MACROD2: variants seen among roughly 807,000 people sequenced by gnomAD.
MACROD2 encodes the protein mono-ADP ribosylhydrolase 2.
A neutral mutation model predicts 70.4 loss-of-function variants in MACROD2; 36 were observed. That is an observed-to-expected ratio of 0.51 (90% CI 0.39 to 0.68). MACROD2 has a LOEUF of 0.68. Among genes scored for constraint, MACROD2 ranks in the 30% least tolerant of loss-of-function variants. The probability of loss-of-function intolerance (pLI) is 0.00; values close to 1 mark genes in which losing one functional copy is unlikely to be tolerated. For synonymous variants in MACROD2, 172 were observed against 178.8 expected (o/e 0.96, Z 0.30); for missense variants, 496 against 538.4 (o/e 0.92, Z 0.78).
intron 5 of MACROD2, among the ~76,000 whole-genome samples, chr20:14,912,315 T>G (rs577362809): frequency 6.6e-6 from 1 of 151,070 alleles, no homozygotes; most frequent in East Asian, 1.9e-4. Flanking sequence ...GATTATTATA[T>G]CATATAACAA....
chr20:16,042,416 TAA>T (rs1162203274), intron 16 of MACROD2, among the ~76,000 whole-genome samples: 3 of 152,034 alleles, frequency 2.0e-5, no homozygotes, highest in Admixed American at 6.6e-5. Flanking sequence ...GGCCCATGAA[TAA>T]AAGAGAAGTA....
intron 6 of MACROD2, among the ~76,000 whole-genome samples, chr20:15,230,679 A>G (rs1188925630): frequency 6.6e-6 from 1 of 152,118 alleles, no homozygotes; most frequent in Non-Finnish European, 1.5e-5. Flanking sequence ...GGGAGTTCAG[A>G]AAATGTGGAT....
chr20:14,617,061 A>C (rs73899216), intron 4 of MACROD2, among the ~76,000 whole-genome samples: 5 of 152,048 alleles, frequency 3.3e-5, no homozygotes, highest in African/African-American at 9.7e-5. Context: ...GGATAAATCA[A>C]ATTTGTTGGA....
chr20:15,642,637 C>G (rs2049479075), intron 8 of MACROD2, among the ~76,000 whole-genome samples: 1 of 124,958 alleles, frequency 8.0e-6, no homozygotes, highest in Non-Finnish European at 1.7e-5. Flanking sequence ...CACACACACA[C>G]ACACGTGTGC....
At chr20:15,974,270 A>G (rs1218713134) in intron 13 of MACROD2, among the ~76,000 whole-genome samples, 1 of 152,136 alleles carries the variant, frequency 6.6e-6, no homozygotes, top group Non-Finnish European at 1.5e-5. Context: ...CAGAAGGAGC[A>G]GAGATGAAAC....
chr20:15,121,188 AG>A (rs1265528874), intron 5 of MACROD2, among the ~76,000 whole-genome samples: 3 of 152,190 alleles, frequency 2.0e-5, no homozygotes, highest in Non-Finnish European at 4.4e-5. Flanking sequence ...AGTACAGGAT[AG>A]GTAGTGCTTA....
chr20:14,299,075 G>T (rs1473528149), intron 3 of MACROD2, among the ~76,000 whole-genome samples: 1 of 152,016 alleles, frequency 6.6e-6, no homozygotes, highest in East Asian at 1.9e-4. Context: ...CTCTAGTTTT[G>T]AAAGAAGTTT....
At chr20:15,455,367 G>A (rs2046711291) in intron 7 of MACROD2, among the ~76,000 whole-genome samples, 1 of 152,146 alleles carries the variant, frequency 6.6e-6, no homozygotes. Context: ...GGTTACTTTA[G>A]AGACTGATTA....
intron 6 of MACROD2, among the ~76,000 whole-genome samples, chr20:15,319,697 A>G (rs565971660): frequency 6.6e-6 from 1 of 152,334 alleles, no homozygotes; most frequent in Middle Eastern, 3.4e-3. Context: ...GCATTGAAGC[A>G]CTACGCACAA....
chr20:15,573,207 T>C (rs180721010), intron 8 of MACROD2, among the ~76,000 whole-genome samples: 94 of 152,268 alleles, frequency 6.2e-4, no homozygotes, highest in Non-Finnish European at 1.6e-4. Context: ...CATGTCGTTT[T>C]AAACCAAGTG....
At chr20:15,360,130 T>TCTCCA (rs1342593362) in intron 6 of MACROD2, among the ~76,000 whole-genome samples, 1 of 152,214 alleles carries the variant, frequency 6.6e-6, no homozygotes, top group African/African-American at 2.4e-5. Context: ...TTTTGGCTTT[T>TCTCCA]CTCCACTCGG....
chr20:15,734,821 A>G (rs1386785775), intron 8 of MACROD2, among the ~76,000 whole-genome samples: 1 of 152,242 alleles, frequency 6.6e-6, no homozygotes, highest in African/African-American at 2.4e-5. Flanking sequence ...AATACATTCA[A>G]TTCTGCTAAT....
intron 3 of MACROD2, among the ~76,000 whole-genome samples, chr20:14,271,369 T>C (rs1055910469): frequency 7.2e-5 from 11 of 152,328 alleles, no homozygotes; most frequent in South Asian, 6.2e-4. Context: ...CCGCTGCTGA[T>C]ACCCAGACAA....
intron 8 of MACROD2, among the ~76,000 whole-genome samples, chr20:15,711,490 C>T (rs927934474): frequency 2.0e-5 from 3 of 152,154 alleles, no homozygotes; most frequent in Non-Finnish European, 4.4e-5. Flanking sequence ...TGCTTGGCCT[C>T]GATCAGCTGC....
In MACROD2 at chr20:15,794,330, A is replaced by T. The variant is rs75347768; in HGVS notation, c.646-68415A>T. Among the ~76,000 whole-genome samples the T allele has an allele frequency of 2.9e-3, 437 of 152,220 alleles. 2 individuals carry two copies. The highest frequency in any genetic ancestry group is 0.015 in the East Asian group (80 of 5,184). ...ATTTTTTATTTATTCAGCGTTCATT[A>T]TATAGTCTCCCTTAGGAGCACTGAA... On this transcript the variant is annotated intron_variant, in intron 8 of 17. Coordinates refer to ENST00000684519, the MANE Select transcript of MACROD2 (RefSeq NM_001351661.2).
chr20:14,713,648 T>A (rs1600575427), intron 5 of MACROD2, among the ~76,000 whole-genome samples: 1 of 152,146 alleles, frequency 6.6e-6, no homozygotes, highest in Non-Finnish European at 1.5e-5. Context: ...TAACTATATA[T>A]GAAGCATTGT....
At chr20:15,431,655 A>G (rs2046364996) in intron 7 of MACROD2, among the ~76,000 whole-genome samples, 1 of 152,062 alleles carries the variant, frequency 6.6e-6, no homozygotes, top group Admixed American at 6.6e-5. Flanking sequence ...ATTATTTGAT[A>G]CATTGTGGCT....
chr20:14,879,159 G>A (rs2073583778), intron 5 of MACROD2, among the ~76,000 whole-genome samples: 2 of 152,028 alleles, frequency 1.3e-5, no homozygotes, highest in South Asian at 4.2e-4. Context: ...CACAGTACAG[G>A]TTCAGCAAAC....
chr20:14,209,939 C>T (rs1207216510), intron 3 of MACROD2, among the ~76,000 whole-genome samples: 2 of 152,110 alleles, frequency 1.3e-5, no homozygotes, highest in Non-Finnish European at 2.9e-5. Flanking sequence ...TCAGACCTCA[C>T]TTTCCAGAAA....
Sources: gnomAD v4.1 joint callset for allele counts (sites outside exome capture counted in the v4.1 genomes callset) on GRCh38, gnomAD v4.1.1 for gene constraint, MANE v1.5 for transcripts, NCBI Gene and HGNC (gene_info 2026-07-23, HGNC 2026-07-21) for gene names.